The following ZNF550 variants were observed in gnomAD, a reference collection of about 807,000 sequenced individuals.
ZNF550 encodes zinc finger protein 550.
A neutral mutation model predicts 40.2 loss-of-function variants in ZNF550; 42 were observed. The observed-to-expected ratio is 1.05, with a 90% confidence interval of 0.82 to 1.35. ZNF550 has a LOEUF of 1.35. ZNF550 is among the 40% of genes most tolerant of loss of function. ZNF550 has a pLI of 0.00. For synonymous variants in ZNF550, 223 were observed against 198.6 expected (o/e 1.12, Z -1.03); for missense variants, 549 against 525.2 (o/e 1.05, Z -0.44).
At chr19:57,547,516 C>G (rs1229306867) in exon 4 of ZNF550, 1 of 1,614,038 alleles carries the variant, frequency 6.2e-7, no homozygotes, top group Admixed American at 1.7e-5. Flanking sequence ...GAGAGTTGAG[C>G]TCTGGCTAAA....
chr19:57,548,025 T>G (rs2090040128), intron 3 of ZNF550, 32 bp from the exon 4 acceptor site: 1 of 1,566,864 alleles, frequency 6.4e-7, no homozygotes, highest in Non-Finnish European at 8.7e-7. Flanking sequence ...AGGAGGGGTC[T>G]TTTAGTGATA....
In ZNF550 at chr19:57,544,463, T is replaced by G. The variant is rs2089990329; in HGVS notation, c.*519-1220A>C. The G allele has an allele frequency of 2.0e-5, 20 of 985,372 alleles. No individual in the cohort carries two copies. The South Asian group carries it at 8.9e-4, about 44-fold the overall frequency. 61.0% of individuals were successfully genotyped at this position (985,372 alleles called of 1,614,324 possible). A position where few individuals can be genotyped will look rare whatever the true frequency, so the allele number is the denominator to read the frequency against. ...CTCCAACTCTCTTGAACCCAGGGCC[T>G]TAGGTACAAGTACAGCCACAGCTAC... On this transcript the variant is annotated intron_variant, in intron 4 of 4. Coordinates refer to ENST00000457177, the Ensembl canonical transcript of ZNF550.
At chr19:57,547,524 A>G (rs1203180497) in exon 4 of ZNF550, 3 of 1,614,164 alleles carry the variant, frequency 1.9e-6, no homozygotes, top group Non-Finnish European at 2.5e-6. Context: ...AGCTCTGGCT[A>G]AAGGCTTTCC....
chr19:57,544,465 A>C, intron 4 of ZNF550: 2 of 985,444 alleles, frequency 2.0e-6, no homozygotes, highest in Non-Finnish European at 2.4e-6. Context: ...CCAGGGCCTT[A>C]GGTACAAGTA....
At chr19:57,548,526 G>T (rs1218335378) in intron 3 of ZNF550, among the ~76,000 whole-genome samples, 6 of 152,020 alleles carry the variant, frequency 3.9e-5, no homozygotes, top group Admixed American at 2.0e-4. Context: ...CTACAATAAG[G>T]TATCATCTCA....
intron 3 of ZNF550, 155 bp downstream of exon 3, chr19:57,552,472 C>G (rs2090080797): frequency 1.7e-6 from 1 of 597,790 alleles, no homozygotes; most frequent in African/African-American, 1.8e-5. Flanking sequence ...CAGTGCTCAC[C>G]TGATGATGGA....
chr19:57,560,007 G>T (rs2090157504), upstream of ZNF550: 2 of 339,646 alleles, frequency 5.9e-6, no homozygotes, highest in South Asian at 1.5e-4. Context: ...TATCTCAGAT[G>T]ATCTTAGCGG....
rs184736425 is a variant in ZNF550, at chr19:57,554,767, G to A, written c.154+1464C>T. Reference sequence around the variant, plus strand: ...ACAGGGCTGTGGGAAAGGTGAATCAGATGATCCTTTGGCTCTCCCAAGAGC... The same window carrying A: ...ACAGGGCTGTGGGAAAGGTGAATCAAATGATCCTTTGGCTCTCCCAAGAGC... On this transcript the variant is annotated intron_variant, in intron 2 of 4. Transcript: ENST00000457177. This position sits in a 1 kb window ranked among gnomAD's most constrained non-coding sequence, Gnocchi z 4.5. 1.3e-5 allele frequency: 2 copies of A among 152,360 alleles called. No homozygotes were observed. Among genetic ancestry groups the A allele is most frequent in the East Asian group, 3.9e-4 (2 of 5,176 alleles). 9.4% of individuals were successfully genotyped at this position (152,360 alleles called of 1,614,324 possible).
At chr19:57,556,105 G>T in intron 2 of ZNF550, 126 bp downstream of exon 2, 2 of 1,248,460 alleles carry the variant, frequency 1.6e-6, no homozygotes, top group South Asian at 1.2e-5. Context: ...GACAAAGGGA[G>T]ACCAGTCAGG....
exon 1 of ZNF550, chr19:57,559,700 G>C: frequency 6.7e-7 from 1 of 1,487,982 alleles, no homozygotes; most frequent in South Asian, 1.2e-5. Flanking sequence ...TTGGCAGGAC[G>C]AGGCCGCGTG....
chr19:57,541,878 T>G (rs530717833), exon 5 of ZNF550: 5 of 152,270 alleles, frequency 3.3e-5, no homozygotes, highest in African/African-American at 1.2e-4. Context: ...AATTAAATAC[T>G]TCCATTCCAT....
chr19:57,559,907 C>T (rs2090157030), upstream of ZNF550: 1 of 429,460 alleles, frequency 2.3e-6, no homozygotes. Context: ...CCTGCGCCGG[C>T]CCACTGCCTT....
rs371517426 is a variant in ZNF550 at position 57,559,219 on chromosome 19, GACAC to G, written c.27+433_27+436del. Among the ~76,000 whole-genome samples the G allele has an allele frequency of 2.8e-3, 432 of 152,300 alleles. 4 individuals are homozygous for G. The highest frequency in any genetic ancestry group is 0.01 in the African/African-American group (417 of 41,554). On this transcript the variant is annotated intron_variant, in intron 1 of 4. Coordinates refer to ENST00000457177, the Ensembl canonical transcript of ZNF550. ...CCGGACCGTGCTGTGCACTGAGACG[GACAC>G]ACACACATCACCCAGGGAGCCGTTC...
chr19:57,559,933 T>G, upstream of ZNF550: 1 of 404,080 alleles, frequency 2.5e-6, no homozygotes, highest in East Asian at 3.6e-5. Flanking sequence ...TAATGTAGTC[T>G]TGTCCCGTAA....
intron 4 of ZNF550, chr19:57,543,623 C>T (rs1411895093): frequency 1.0e-6 from 1 of 985,228 alleles, no homozygotes; most frequent in Non-Finnish European, 1.2e-6. Flanking sequence ...AACAAAGTTA[C>T]AAAAACATGA....
chr19:57,557,087 G>C (rs372641774), intron 1 of ZNF550: 1 of 151,952 alleles, frequency 6.6e-6, no homozygotes, highest in East Asian at 1.9e-4. Context: ...ATGTGGCCTC[G>C]TGGGAAGGGA....
At chr19:57,560,462 A>G (rs778669351), upstream of ZNF550, among the ~76,000 whole-genome samples, 13 of 152,184 alleles carry the variant, frequency 8.5e-5, no homozygotes, top group Admixed American at 6.5e-5. Flanking sequence ...GAATGCAGGG[A>G]TGAGTCAAAA....
At chr19:57,546,423 G>C in intron 4 of ZNF550, 3 of 924,538 alleles carry the variant, frequency 3.2e-6, no homozygotes, top group Non-Finnish European at 3.9e-6. Context: ...TGATCTTACA[G>C]GGAAGTCTGT....
chr19:57,552,909 C>T (rs886123734), intron 2 of ZNF550, 187 bp from the exon 3 acceptor site: 3 of 566,290 alleles, frequency 5.3e-6, no homozygotes, highest in Non-Finnish European at 9.4e-6. Context: ...CCATAAAAAT[C>T]ATATGTTGAT....
Sources: allele counts gnomAD v4.1 joint callset (sites outside exome capture counted in the v4.1 genomes callset), GRCh38; gene constraint gnomAD v4.1.1; non-coding constraint Gnocchi (gnomAD v3.1); transcripts MANE v1.5; gene names NCBI Gene and HGNC (gene_info 2026-07-23, HGNC 2026-07-21).